Variants in RSRC1 observed in about 807,000 individuals in gnomAD.
The protein encoded by RSRC1 is arginine and serine rich coiled-coil 1.
Under a neutral mutation model 49.1 loss-of-function variants are expected in RSRC1, and 39 were observed. The ratio of observed to expected loss-of-function variants is 0.79; its 90% confidence interval spans 0.61 to 1.04. The LOEUF (loss-of-function observed/expected upper bound fraction) is 1.04. Ranked by LOEUF, RSRC1 falls within the 50% of genes least tolerant of loss-of-function variation. The pLI, the probability that RSRC1 is intolerant of heterozygous loss-of-function variation, is 0.00. For missense variants in RSRC1, 388 were observed against 402.4 expected, an observed-to-expected ratio of 0.96 and a Z score of 0.31; for synonymous variants, 143 against 130.8, an observed-to-expected ratio of 1.09 and a Z score of -0.63.
chr3:158,169,184 A>T (rs1337454694), intron 3 of RSRC1, among the ~76,000 whole-genome samples: 1 of 152,186 alleles, frequency 6.6e-6, no homozygotes, highest in Non-Finnish European at 1.5e-5. Context: ...CAAAGTATGT[A>T]CAGTGAGAGT....
chr3:158,480,118 A>G (rs1285313027), intron 7 of RSRC1, among the ~76,000 whole-genome samples: 3 of 152,038 alleles, frequency 2.0e-5, no homozygotes, highest in Non-Finnish European at 1.5e-5. Flanking sequence ...CAAATAGGAA[A>G]TGAGGTTTTA....
rs910381467 is a variant in RSRC1 at position 158,539,565 on chromosome 3, C to T, written c.759+2367C>T. On this transcript the variant is annotated intron_variant, in intron 8 of 9. Transcript: ENST00000611884. The surrounding 1 kb of genome is among the most constrained non-coding windows in gnomAD (Gnocchi z 4.1). Reference sequence around the variant, plus strand: ...ACCCCTATGCAGCATGGTCTTTTGGCCTACTTGGAAGTAGATTTTAGTACT... The same window carrying T: ...ACCCCTATGCAGCATGGTCTTTTGGTCTACTTGGAAGTAGATTTTAGTACT... Among the ~76,000 whole-genome samples the T allele has an allele frequency of 1.3e-5, 2 of 152,004 alleles. No individual in the cohort carries two copies. The highest frequency in any genetic ancestry group is 4.8e-5 in the African/African-American group (2 of 41,400).
intron 7 of RSRC1, among the ~76,000 whole-genome samples, chr3:158,516,261 A>G (rs1576600636): frequency 1.3e-5 from 2 of 151,824 alleles, no homozygotes; most frequent in South Asian, 2.1e-4. Flanking sequence ...ATGGTGATGT[A>G]CAGATGGGTT....
At chr3:158,199,430 T>A (rs1720892353) in intron 3 of RSRC1, among the ~76,000 whole-genome samples, 1 of 152,136 alleles carries the variant, frequency 6.6e-6, no homozygotes, top group South Asian at 2.1e-4. Flanking sequence ...TTTCTTTCAT[T>A]TGATGAGTTT....
intron 3 of RSRC1, among the ~76,000 whole-genome samples, chr3:158,182,418 T>A (rs1719674899): frequency 6.6e-6 from 1 of 152,178 alleles, no homozygotes; most frequent in Non-Finnish European, 1.5e-5. Flanking sequence ...GGCCCCAGAT[T>A]ATAAATTTTA....
chr3:158,194,054 TACACACACACACACACACAC>T (rs10530687), intron 3 of RSRC1, among the ~76,000 whole-genome samples: 76,774 of 144,088 alleles, frequency 0.53, 20,360 homozygotes, highest in East Asian at 0.65. Flanking sequence ...ACCCCGTCTA[TACACACACACACACACACAC>T]ACACACACAC....
chr3:158,294,854 A>C (rs1029086201), intron 4 of RSRC1, among the ~76,000 whole-genome samples: 2 of 152,138 alleles, frequency 1.3e-5, no homozygotes, highest in African/African-American at 4.8e-5. Context: ...GGTTGGAGAT[A>C]GAGTGGGGCT....
chr3:158,400,295 A>T (rs965041813), intron 6 of RSRC1, among the ~76,000 whole-genome samples: 1 of 152,142 alleles, frequency 6.6e-6, no homozygotes, highest in African/African-American at 2.4e-5. Context: ...TGCCAGTTGT[A>T]TATAAATATA....
chr3:158,351,582 G>A (rs1320875701), intron 5 of RSRC1, among the ~76,000 whole-genome samples: 1 of 152,102 alleles, frequency 6.6e-6, no homozygotes, highest in Non-Finnish European at 1.5e-5. Flanking sequence ...ACTGGGTCAA[G>A]TGTATTATTT....
chr3:158,284,389 G>C (rs1170873036), intron 4 of RSRC1, among the ~76,000 whole-genome samples: 1 of 146,218 alleles, frequency 6.8e-6, no homozygotes, highest in Non-Finnish European at 1.5e-5. Context: ...ATGATTTATA[G>C]TCCTTTGGGT....
intron 5 of RSRC1, among the ~76,000 whole-genome samples, chr3:158,345,092 G>C (rs1730472092): frequency 6.6e-6 from 1 of 151,976 alleles, no homozygotes; most frequent in Non-Finnish European, 1.5e-5. Flanking sequence ...GCTGGGCATG[G>C]TGTCGGGCAC....
At chr3:158,151,418 TC>T (rs2108212224) in intron 3 of RSRC1, among the ~76,000 whole-genome samples, 1 of 152,312 alleles carries the variant, frequency 6.6e-6, no homozygotes, top group South Asian at 2.1e-4. Context: ...GGGCACCTCT[TC>T]AGTGAGGATC....
chr3:158,544,356 C>T lies in RSRC1; in HGVS notation c.*81C>T. On this transcript the variant is annotated 3_prime_UTR_variant, in exon 10 of 10. Transcript: ENST00000611884. Reference sequence around the variant, plus strand: ...TTTAAATCCCAATATTAACTTTTTACTCTTAAAAAGAATTTTGCTGATTAT... The same window carrying T: ...TTTAAATCCCAATATTAACTTTTTATTCTTAAAAAGAATTTTGCTGATTAT... 1.2e-6 allele frequency: 1 copy of T among 865,794 alleles called. No individual in the cohort carries two copies. The highest frequency in any genetic ancestry group is 1.8e-6 in the Non-Finnish European group (1 of 556,160). 53.6% of individuals were successfully genotyped at this position (865,794 alleles called of 1,614,324 possible).
At chr3:158,191,307 A>T (rs116401496) in intron 3 of RSRC1, among the ~76,000 whole-genome samples, 157 of 152,218 alleles carry the variant, frequency 1.0e-3, no homozygotes, top group African/African-American at 3.4e-3. Flanking sequence ...TTTTTGTTCA[A>T]TGTGTAATTA....
At chr3:158,538,276 G>A (rs1712831981) in intron 8 of RSRC1, among the ~76,000 whole-genome samples, 1 of 151,744 alleles carries the variant, frequency 6.6e-6, no homozygotes, top group Non-Finnish European at 1.5e-5. Context: ...TACATGTTAG[G>A]CATAGGACCA....
intron 3 of RSRC1, among the ~76,000 whole-genome samples, chr3:158,194,076 C>T (rs1237974550): frequency 3.4e-5 from 5 of 144,954 alleles, no homozygotes; most frequent in Non-Finnish European, 7.6e-5. Flanking sequence ...CACACACACA[C>T]ACACACACAC....
rs756776025 is a variant in RSRC1 at position 158,470,361 on chromosome 3, C to CACACAT, written c.652+9359_652+9360insCACATA. Among the ~76,000 whole-genome samples the CACACAT allele has an allele frequency of 6.4e-4, 64 of 100,344 alleles. 1 individual carries two copies. The highest frequency in any genetic ancestry group is 1.7e-3 in the African/African-American group (52 of 30,248). 65.8% of individuals were successfully genotyped at this position (100,344 alleles called of 152,430 possible). ...ACACACACACACACACACACACACA[C>CACACAT]ATATATATATATATATATAAAACCA... On this transcript the variant is annotated intron_variant, in intron 7 of 9. Transcript: ENST00000611884.
chr3:158,119,102 G>A (rs915875354), intron 1 of RSRC1, among the ~76,000 whole-genome samples: 2 of 152,130 alleles, frequency 1.3e-5, no homozygotes, highest in African/African-American at 4.8e-5. Flanking sequence ...GAGGATTGGG[G>A]AAGAGTATCA....
At chr3:158,461,858 A>G (rs748718062) in intron 7 of RSRC1, among the ~76,000 whole-genome samples, 47 of 151,904 alleles carry the variant, frequency 3.1e-4, no homozygotes, top group Admixed American at 1.1e-3. Context: ...TTGCCTTAGT[A>G]GGTACCTGTG....
Sources: allele counts gnomAD v4.1 joint callset (sites outside exome capture counted in the v4.1 genomes callset), GRCh38; gene constraint gnomAD v4.1.1; non-coding constraint Gnocchi (gnomAD v3.1); transcripts MANE v1.5; gene names NCBI Gene and HGNC (gene_info 2026-07-23, HGNC 2026-07-21).